The following EDRF1 variants were observed in gnomAD, a reference collection of about 807,000 sequenced individuals.
EDRF1 encodes erythroid differentiation-related factor 1.
Under a neutral mutation model 148.7 loss-of-function variants are expected in EDRF1, and 69 were observed. The ratio of observed to expected loss-of-function variants is 0.46; its 90% CI spans 0.38 to 0.57. The LOEUF (loss-of-function observed/expected upper bound fraction) is 0.57, where lower values mean the gene tolerates loss of function less well. Ranked by LOEUF, EDRF1 falls within the 20% of genes least tolerant of loss-of-function variation. EDRF1 has a pLI of 0.00. For missense variants in EDRF1, 1,118 were observed against 1,478.7 expected, an observed-to-expected ratio of 0.76 and a Z score of 4.00; for synonymous variants, 515 against 532.8, an observed-to-expected ratio of 0.97 and a Z score of 0.46.
Position 125,721,205 on chromosome 10 carries a change from G to A in EDRF1, c.110G>A (p.Gly37Glu), listed in dbSNP as rs1008308721. The A allele has an allele frequency of 5.6e-6, 9 of 1,613,962 alleles. No individual in the cohort carries two copies. The highest frequency in any genetic ancestry group is 7.6e-6 in the Non-Finnish European group (9 of 1,179,986). The change falls in exon 2 of 25, where the codon GGA (glycine) becomes GAA (glutamate). Residue 37 changes from glycine to glutamate, a missense_variant and splice_region_variant. Transcript: ENST00000356792. ...AGTTTCACCCAATGTGTTAATTAGGGATCAGCTTTATTTCTTGGAGGCAAT... is the reference window on the plus strand; with the variant it reads ...AGTTTCACCCAATGTGTTAATTAGGAATCAGCTTTATTTCTTGGAGGCAAT... ...QGESEESSAQ[G>E]SALFLGGNEV...
chr10:125,742,757 G>C (rs1589848974), intron 17 of EDRF1: 1 of 984,996 alleles, frequency 1.0e-6, no homozygotes, highest in East Asian at 1.1e-4. Flanking sequence ...TGTATTAGTG[G>C]ACAACTTTAG....
chr10:125,740,292 CTT>C (rs1414738097), intron 15 of EDRF1, among the ~76,000 whole-genome samples, 169 bp from the exon 16 acceptor site: 3 of 152,338 alleles, frequency 2.0e-5, no homozygotes, highest in South Asian at 4.1e-4. Flanking sequence ...AAGTGAGAGT[CTT>C]TTAACACGGC....
chr10:125,748,961 G>A (rs960614102), intron 21 of EDRF1: 4 of 227,938 alleles, frequency 1.8e-5, no homozygotes, highest in Non-Finnish European at 8.8e-6. Context: ...TTCCTAAGTC[G>A]AAGTGGAAAG....
chr10:125,757,097 G>A (rs770892008), intron 24 of EDRF1: 3 of 409,972 alleles, frequency 7.3e-6, no homozygotes, highest in East Asian at 1.6e-4. Context: ...ACAAGTATGA[G>A]CCACTGCACC....
chr10:125,721,281 A>G lies in EDRF1; in HGVS notation c.186A>G (p.Thr62=), dbSNP rs989906418. ...AATACTCTTCTGCCCCTCCTCGAAC[A>G]GCATTTGCACGCCTTGAAGAGAAAA... ...VVKYSSAPPR[T]AFARLEEKTD... is the part of the protein sequence containing the mutation. The change falls in exon 2 of 25, where the codon ACA becomes ACG. Residue 62 remains threonine (T), a synonymous_variant. Coordinates refer to ENST00000356792, the MANE Select transcript of EDRF1 (RefSeq NM_001202438.2). 2.8e-5 allele frequency: 45 copies of G among 1,614,142 alleles called. No homozygotes were observed. Among genetic ancestry groups the G allele is most frequent in the Non-Finnish European group, 3.6e-5 (42 of 1,180,052 alleles).
At chr10:125,742,949 A>C in intron 17 of EDRF1, 109 bp from the exon 18 acceptor site, 1 of 1,508,676 alleles carries the variant, frequency 6.6e-7, no homozygotes, top group Non-Finnish European at 8.9e-7. Flanking sequence ...GTATACTTAC[A>C]CTATATTGCA....
rs1848223909 is a variant in EDRF1, at chr10:125,725,669, C to T, written c.636-13C>T. Reference sequence around the variant, plus strand: ...TAGTAACAGCAATCCTTTTTTATTTCTGGTTTGGCCAGTATCAATGGTGAT... The same window carrying T: ...TAGTAACAGCAATCCTTTTTTATTTTTGGTTTGGCCAGTATCAATGGTGAT... On this transcript the variant is annotated splice_polypyrimidine_tract_variant and intron_variant, in intron 5 of 24. Coordinates refer to ENST00000356792, the MANE Select transcript of EDRF1 (RefSeq NM_001202438.2). 1 of 1,613,662 alleles carries T rather than the reference C, an allele frequency of 6.2e-7. No homozygotes were observed. Among genetic ancestry groups the T allele is most frequent in the Non-Finnish European group, 8.5e-7 (1 of 1,179,904 alleles).
intron 24 of EDRF1, chr10:125,761,090 CT>C (rs35328321): frequency 4.2e-6 from 1 of 236,538 alleles, no homozygotes; most frequent in Non-Finnish European, 8.4e-6. Flanking sequence ...TTGACTACTG[CT>C]TTTTCCACTT....
chr10:125,723,786 C>T lies in EDRF1; in HGVS notation c.385-25C>T, dbSNP rs754069735. ...ATCACACTAAAACAGTCTTTCTAAA[C>T]TATTTTTTCTCTTAATTTTTTAAGA... On this transcript the variant is annotated intron_variant, in intron 3 of 24. Transcript: ENST00000356792. 2.5e-5 allele frequency: 40 copies of T among 1,604,444 alleles called. No homozygotes were observed. In the Admixed American group the frequency reaches 4.2e-4, roughly 17 times the overall value.
At chr10:125,757,623 G>C (rs1849972932) in intron 24 of EDRF1, among the ~76,000 whole-genome samples, 1 of 152,180 alleles carries the variant, frequency 6.6e-6, no homozygotes, top group African/African-American at 2.4e-5. Flanking sequence ...TTGTAGGTGT[G>C]CTAGCAATGA....
chr10:125,721,098 G>A (rs1228452893), intron 1 of EDRF1, 106 bp from the exon 2 acceptor site: 25 of 1,075,690 alleles, frequency 2.3e-5, no homozygotes, highest in Non-Finnish European at 3.3e-5. Context: ...TGTGGCATAC[G>A]TTCCTTGTGA....
chr10:125,747,644 G>T lies in EDRF1; in HGVS notation c.2923G>T (p.Ala975Ser). The T allele has an allele frequency of 1.2e-6, 2 of 1,614,150 alleles. No individual in the cohort carries two copies. Among genetic ancestry groups the T allele is most frequent in the African/African-American group, 2.7e-5 (2 of 75,038 alleles). Residue 975 changes from alanine (A) to serine (S), a missense_variant, in exon 20 of 25, where the codon GCA (alanine) becomes TCA (serine). Physicochemically the swap from Ala to Ser is moderately conservative, Grantham distance 99. Transcript: ENST00000356792. ...WELSTTYFTM[A>S]TLQQDYAPLS... is the part of the protein sequence containing the mutation. ...ATTGTCCACTACTTACTTTACTATG[G>T]CAACTCTACAGCAAGATTATGCTCC...
At chr10:125,749,298 A>G in intron 21 of EDRF1, 114 bp from the exon 22 acceptor site, 1 of 1,222,060 alleles carries the variant, frequency 8.2e-7, no homozygotes, top group Non-Finnish European at 1.2e-6. Flanking sequence ...ATAAAAGCTA[A>G]AACTAATAAG....
intron 5 of EDRF1, 36 bp downstream of exon 5, chr10:125,725,478 G>C: frequency 1.2e-6 from 2 of 1,612,206 alleles, no homozygotes; most frequent in Non-Finnish European, 1.7e-6. Flanking sequence ...AAGAGAAAAA[G>C]GGAATTCTGA....
chr10:125,725,453 A>G lies in EDRF1; in HGVS notation c.635+11A>G, dbSNP rs1447240210. On this transcript the variant is annotated intron_variant, in intron 5 of 24. Coordinates refer to ENST00000356792, the MANE Select transcript of EDRF1 (RefSeq NM_001202438.2). Reference sequence around the variant, plus strand: ...GTTTTTATATTACAGGTACTTGGCTACTTATTTATCTCTAAAGAGAAAAAG... The same window carrying G: ...GTTTTTATATTACAGGTACTTGGCTGCTTATTTATCTCTAAAGAGAAAAAG... 6.2e-7 allele frequency: 1 copy of G among 1,613,834 alleles called. No homozygotes were observed. The highest frequency in any genetic ancestry group is 1.7e-5 in the Admixed American group (1 of 60,014).
chr10:125,734,317 C>T, intron 12 of EDRF1, 134 bp downstream of exon 12: 1 of 716,812 alleles, frequency 1.4e-6, no homozygotes, highest in Non-Finnish European at 2.5e-6. Flanking sequence ...GCACATGTGG[C>T]TGTTGATCAC....
At chr10:125,758,663 C>T (rs1850037480) in intron 24 of EDRF1, among the ~76,000 whole-genome samples, 1 of 152,204 alleles carries the variant, frequency 6.6e-6, no homozygotes, top group Admixed American at 6.5e-5. Flanking sequence ...TTAGTGTCTT[C>T]TCTACCTTCA....
At chr10:125,733,306 G>A in intron 9 of EDRF1, 98 bp from the exon 10 acceptor site, 1 of 949,922 alleles carries the variant, frequency 1.1e-6, no homozygotes, top group Non-Finnish European at 1.6e-6. Flanking sequence ...ATAGGTCTCT[G>A]TTTGCAGGAC....
intron 13 of EDRF1, among the ~76,000 whole-genome samples, chr10:125,737,378 C>G (rs34269134): frequency 0.011 from 1,631 of 152,260 alleles, 13 homozygotes; most frequent in Non-Finnish European, 0.015. Flanking sequence ...AGCATGAGCT[C>G]CAGGGTCCCA....
Sources: allele counts gnomAD v4.1 joint callset (sites outside exome capture counted in the v4.1 genomes callset), GRCh38; gene constraint gnomAD v4.1.1; transcripts MANE v1.5; gene names NCBI Gene and HGNC (gene_info 2026-07-23, HGNC 2026-07-21).